Variants in PDE4D observed in about 807,000 individuals in gnomAD.
PDE4D encodes phosphodiesterase 4D.
Under a neutral mutation model 87.4 loss-of-function variants are expected in PDE4D, and 24 were observed. That is an observed-to-expected ratio of 0.27 (90% CI 0.20 to 0.39). The LOEUF is 0.39. Among genes scored for constraint, PDE4D ranks in the 10% least tolerant of loss-of-function variants. PDE4D has a pLI of 1.00. For synonymous variants in PDE4D, 384 were observed against 383.2 expected (o/e 1.00, Z -0.02); for missense variants, 714 against 1,041.0 (o/e 0.69, Z 4.32).
intron 3 of PDE4D, among the ~76,000 whole-genome samples, chr5:59,916,715 T>C (rs1421794757): frequency 6.6e-6 from 1 of 152,166 alleles, no homozygotes; most frequent in African/African-American, 2.4e-5. Flanking sequence ...CAACATTTAG[T>C]AAATACTTTT....
chr5:60,196,807 T>C (rs1035727635), intron 1 of PDE4D, among the ~76,000 whole-genome samples: 3 of 151,618 alleles, frequency 2.0e-5, no homozygotes, highest in Non-Finnish European at 3.0e-5. Flanking sequence ...TTTAATGTTT[T>C]TTTGTCCCAT....
intron 2 of PDE4D, among the ~76,000 whole-genome samples, chr5:60,092,193 C>G (rs1775214062): frequency 6.7e-6 from 1 of 150,180 alleles, no homozygotes; most frequent in Admixed American, 6.7e-5. Context: ...AGCGATGGCA[C>G]AAAAAGACAA....
chr5:59,622,470 A>C (rs1830455269), intron 1 of PDE4D, among the ~76,000 whole-genome samples: 2 of 152,134 alleles, frequency 1.3e-5, no homozygotes, highest in Non-Finnish European at 2.9e-5. Context: ...ATCTCCATCC[A>C]AGTTCAGATC....
chr5:59,162,853 C>CAAAAAAA (rs368976708), intron 5 of PDE4D, among the ~76,000 whole-genome samples: 38,973 of 120,778 alleles, frequency 0.32, 7,256 homozygotes, highest in African/African-American at 0.45. Flanking sequence ...GACCCTGCAT[C>CAAAAAAA]AAAAAAAAAA....
intron 1 of PDE4D, chr5:59,703,750 C>A (rs1406698631): frequency 2.3e-5 from 9 of 393,142 alleles, no homozygotes; most frequent in Admixed American, 2.3e-4. Flanking sequence ...TGGTGTTCAG[C>A]AGGGCTCTGT....
chr5:60,363,920 T>C (rs1452341261), intron 1 of PDE4D, among the ~76,000 whole-genome samples: 1 of 152,216 alleles, frequency 6.6e-6, no homozygotes, highest in Non-Finnish European at 1.5e-5. Context: ...ATCTTGTAGC[T>C]CAAGATCTTT....
intron 1 of PDE4D, among the ~76,000 whole-genome samples, chr5:60,195,341 C>G (rs1281803119): frequency 1.3e-5 from 2 of 151,612 alleles, no homozygotes; most frequent in Non-Finnish European, 2.9e-5. Context: ...CTCTAAGTCC[C>G]TTGAGGTTAG....
intron 1 of PDE4D, among the ~76,000 whole-genome samples, chr5:60,263,384 C>T (rs747215287): frequency 2.0e-4 from 30 of 152,170 alleles, no homozygotes; most frequent in Non-Finnish European, 4.0e-4. Flanking sequence ...AATTCTAATC[C>T]ATTGCCCGTC....
At chr5:59,094,845 G>A (rs1348381775) in intron 5 of PDE4D, among the ~76,000 whole-genome samples, 6 of 152,020 alleles carry the variant, frequency 3.9e-5, no homozygotes, top group Non-Finnish European at 8.8e-5. Flanking sequence ...TCCCCAACTT[G>A]GATACTAAAT....
intron 2 of PDE4D, among the ~76,000 whole-genome samples, chr5:60,064,490 G>A (rs1771831168): frequency 6.6e-6 from 1 of 152,018 alleles, no homozygotes; most frequent in Non-Finnish European, 1.5e-5. Flanking sequence ...AATCCACACA[G>A]CATTAATGAT....
At chr5:59,438,929 A>G (rs1797180534) in intron 1 of PDE4D, among the ~76,000 whole-genome samples, 1 of 152,250 alleles carries the variant, frequency 6.6e-6, no homozygotes, top group African/African-American at 2.4e-5. Context: ...CCTAAATGTA[A>G]ATGATACAAA....
chr5:59,399,874 A>G lies in PDE4D; in HGVS notation c.456-183906T>C, dbSNP rs1175640949. 7.0e-4 allele frequency among the ~76,000 whole-genome samples: 79 copies of G among 113,298 alleles called. 13 individuals are homozygous for G. Among genetic ancestry groups the G allele is most frequent in the African/African-American group, 2.8e-3 (75 of 26,958 alleles). The allele number at this position is 113,298 out of a possible 152,430, so 74.3% of individuals were successfully genotyped here. ...TATCCAGAATCTACAATGAACTCAAACAAATTTACAAGAAAAAAACAAATA... is the reference window on the plus strand; with the variant it reads ...TATCCAGAATCTACAATGAACTCAAGCAAATTTACAAGAAAAAAACAAATA... On this transcript the variant is annotated intron_variant, in intron 1 of 14. Coordinates refer to ENST00000340635, the MANE Select transcript of PDE4D (RefSeq NM_001104631.2).
intron 3 of PDE4D, among the ~76,000 whole-genome samples, chr5:59,972,554 G>T (rs1280154589): frequency 6.6e-6 from 1 of 152,230 alleles, no homozygotes; most frequent in East Asian, 1.9e-4. Context: ...TAAACAATTT[G>T]GAGTCAAAGT....
At chr5:60,090,266 G>C (rs1471252484) in intron 2 of PDE4D, among the ~76,000 whole-genome samples, 1 of 152,110 alleles carries the variant, frequency 6.6e-6, no homozygotes, top group Non-Finnish European at 1.5e-5. Flanking sequence ...GATGAACACA[G>C]ATGCAGAAAT....
intron 1 of PDE4D, among the ~76,000 whole-genome samples, chr5:59,257,243 A>G (rs2153533136): frequency 6.6e-6 from 1 of 152,194 alleles, no homozygotes; most frequent in Non-Finnish European, 1.5e-5. Flanking sequence ...GATGGGTTTC[A>G]GTTCATACAG....
At chr5:59,759,069 A>AG (rs200360052) in intron 1 of PDE4D, among the ~76,000 whole-genome samples, 2 of 152,182 alleles carry the variant, frequency 1.3e-5, no homozygotes, top group Non-Finnish European at 2.9e-5. Flanking sequence ...ATTAAAAAAA[A>AG]GACATTATTT....
At chr5:60,369,429 G>A (rs1002000830) in intron 1 of PDE4D, among the ~76,000 whole-genome samples, 4 of 152,124 alleles carry the variant, frequency 2.6e-5, no homozygotes, top group Non-Finnish European at 5.9e-5. Context: ...ACAGAAAGAT[G>A]AGGCAGGCAT....
At chr5:59,381,514 G>A (rs1026006904) in intron 1 of PDE4D, among the ~76,000 whole-genome samples, 5 of 151,648 alleles carry the variant, frequency 3.3e-5, no homozygotes, top group South Asian at 2.1e-4. Context: ...TAAACATACC[G>A]TTTATAATTA....
intron 1 of PDE4D, among the ~76,000 whole-genome samples, chr5:59,673,105 G>A (rs1747487454): frequency 6.6e-6 from 1 of 152,258 alleles, no homozygotes. Context: ...GTATATCTTT[G>A]ATCAGGAAGT....
Sources: gnomAD v4.1 joint callset for allele counts (sites outside exome capture counted in the v4.1 genomes callset) on GRCh38, gnomAD v4.1.1 for gene constraint, MANE v1.5 for transcripts, NCBI Gene and HGNC (gene_info 2026-07-23, HGNC 2026-07-21) for gene names.